The following CCDC146 variants were observed in gnomAD, a reference collection of about 807,000 sequenced individuals.
The protein encoded by CCDC146 is coiled-coil domain-containing protein 146.
Under a neutral mutation model 119.3 loss-of-function variants are expected in CCDC146, and 92 were observed. The ratio of observed to expected loss-of-function variants is 0.77; its 90% confidence interval spans 0.65 to 0.92. CCDC146 has a LOEUF of 0.92. CCDC146 is among the 40% of genes least tolerant of loss of function. CCDC146 has a pLI of 0.00. For missense variants in CCDC146, 1,000 were observed against 1,103.0 expected (o/e 0.91, Z 1.32); for synonymous variants, 372 against 371.8 (o/e 1.00, Z -0.01).
chr7:77,143,575 T>C (rs1045385453), intron 1 of CCDC146, among the ~76,000 whole-genome samples: 3 of 152,092 alleles, frequency 2.0e-5, no homozygotes, highest in African/African-American at 7.3e-5. Flanking sequence ...CTTTAATCAA[T>C]CTTGAATTAA....
intron 1 of CCDC146, among the ~76,000 whole-genome samples, chr7:77,134,980 T>G (rs960130228): frequency 6.6e-6 from 1 of 152,222 alleles, no homozygotes; most frequent in Non-Finnish European, 1.5e-5. Flanking sequence ...TATTGTTTGT[T>G]TTTGAACTGC....
rs1792146648 is a variant in CCDC146, at chr7:77,209,702, AT to A, written c.157-27242del. On this transcript the variant is annotated intron_variant, in intron 2 of 18. Coordinates refer to ENST00000285871, the MANE Select transcript of CCDC146 (RefSeq NM_020879.3). ...CAGACTTCTGCCTGGACATCCGGGC[AT>A]TTCCGTACATCCCTTGAAAGCTAGG... 3.9e-5 allele frequency among the ~76,000 whole-genome samples: 6 copies of A among 152,336 alleles called. No individual in the cohort carries two copies. The South Asian group carries it at 1.2e-3, about 32-fold the overall frequency.
chr7:77,218,651 C>A (rs1005880734), intron 2 of CCDC146, among the ~76,000 whole-genome samples: 3 of 151,204 alleles, frequency 2.0e-5, no homozygotes, highest in Admixed American at 2.0e-4. Flanking sequence ...ACTCTGTCAC[C>A]CAGGTGGCAC....
rs191310698 is a variant in CCDC146 at position 77,256,543 on chromosome 7, G to T, written c.684+34G>T. Reference sequence around the variant, plus strand: ...CTTACCGTTGATATTTAAACATTGTGCCTTGCATGGATATAAAAGTGTGTG... The same window carrying T: ...CTTACCGTTGATATTTAAACATTGTTCCTTGCATGGATATAAAAGTGTGTG... On this transcript the variant is annotated intron_variant, in intron 6 of 18. Transcript: ENST00000285871. The T allele has an allele frequency of 7.8e-6, 12 of 1,541,586 alleles. No individual in the cohort carries two copies. The East Asian group carries it at 1.4e-4, about 17-fold the overall frequency.
At chr7:77,177,820 T>C (rs1791522824) in intron 2 of CCDC146, among the ~76,000 whole-genome samples, 1 of 152,216 alleles carries the variant, frequency 6.6e-6, no homozygotes. Flanking sequence ...CAGGCACCCT[T>C]GCAAGAATAA....
intron 2 of CCDC146, among the ~76,000 whole-genome samples, chr7:77,205,383 T>C (rs536514009): frequency 6.6e-6 from 1 of 152,220 alleles, no homozygotes; most frequent in Non-Finnish European, 1.5e-5. Flanking sequence ...GCAGAACTCA[T>C]GGCCAGCAGA....
chr7:77,247,452 C>A (rs548979619), intron 4 of CCDC146, among the ~76,000 whole-genome samples: 1 of 152,270 alleles, frequency 6.6e-6, no homozygotes, highest in South Asian at 2.1e-4. Flanking sequence ...AAGTAAAATA[C>A]CACTAATGTA....
intron 2 of CCDC146, among the ~76,000 whole-genome samples, chr7:77,188,755 CA>C (rs1169057767): frequency 6.6e-6 from 1 of 152,130 alleles, no homozygotes; most frequent in East Asian, 1.9e-4. Context: ...AGTAACTCAA[CA>C]AAAATACCGT....
intron 2 of CCDC146, among the ~76,000 whole-genome samples, chr7:77,191,920 AAATAAT>A (rs1183797879): frequency 6.6e-6 from 1 of 151,882 alleles, no homozygotes; most frequent in African/African-American, 2.4e-5. Flanking sequence ...AAAAAATAAA[AAATAAT>A]AATAACTACT....
chr7:77,201,622 G>T (rs974989398), intron 2 of CCDC146, among the ~76,000 whole-genome samples: 1 of 151,146 alleles, frequency 6.6e-6, no homozygotes, highest in Non-Finnish European at 1.5e-5. Context: ...AAAATGCAGT[G>T]TATAAATGTA....
intron 1 of CCDC146, among the ~76,000 whole-genome samples, chr7:77,153,060 C>T (rs1791129393): frequency 6.6e-6 from 1 of 152,148 alleles, no homozygotes; most frequent in African/African-American, 2.4e-5. Context: ...CAAAGTAGTT[C>T]TTTCCATTAC....
intron 2 of CCDC146, among the ~76,000 whole-genome samples, chr7:77,184,810 AT>A (rs1791639262): frequency 6.6e-6 from 1 of 152,200 alleles, no homozygotes; most frequent in East Asian, 1.9e-4. Flanking sequence ...ACACTTGAAA[AT>A]ATATTAATTT....
intron 1 of CCDC146, among the ~76,000 whole-genome samples, chr7:77,151,682 A>C (rs552806218): frequency 2.0e-5 from 3 of 152,232 alleles, no homozygotes; most frequent in Admixed American, 6.5e-5. Flanking sequence ...TCCTGGACAT[A>C]AGACCTGCAT....
chr7:77,198,146 A>G, intron 2 of CCDC146: 2 of 985,452 alleles, frequency 2.0e-6, no homozygotes, highest in Non-Finnish European at 2.4e-6. Context: ...TTGGATTCGC[A>G]GTGTGCCAGG....
intron 1 of CCDC146, among the ~76,000 whole-genome samples, chr7:77,152,697 G>A (rs1791124180): frequency 1.3e-5 from 2 of 152,150 alleles, no homozygotes; most frequent in African/African-American, 4.8e-5. Context: ...GCCTAAAGGA[G>A]TGCTCTGGGA....
chr7:77,123,857 T>G (rs1458910260), intron 1 of CCDC146, among the ~76,000 whole-genome samples: 3 of 152,224 alleles, frequency 2.0e-5, no homozygotes, highest in African/African-American at 7.2e-5. Flanking sequence ...CTTCTTTCGG[T>G]GAAGACTCAC....
chr7:77,249,217 C>A (rs922808297), intron 4 of CCDC146, among the ~76,000 whole-genome samples: 1 of 152,076 alleles, frequency 6.6e-6, no homozygotes, highest in African/African-American at 2.4e-5. Context: ...ACTGGCCGGG[C>A]GCTGTGGCTG....
chr7:77,131,640 C>T (rs566296269), intron 1 of CCDC146, among the ~76,000 whole-genome samples: 1 of 152,318 alleles, frequency 6.6e-6, no homozygotes, highest in African/African-American at 2.4e-5. Flanking sequence ...ATCCCTTGAA[C>T]CTGGGAGGTA....
intron 9 of CCDC146, among the ~76,000 whole-genome samples, chr7:77,262,755 G>A (rs1008758743): frequency 1.3e-5 from 2 of 152,210 alleles, no homozygotes; most frequent in African/African-American, 2.4e-5. Context: ...GGGCAATCCA[G>A]AACCCAATAT....
Sources: allele counts gnomAD v4.1 joint callset (sites outside exome capture counted in the v4.1 genomes callset), GRCh38; gene constraint gnomAD v4.1.1; transcripts MANE v1.5; gene names NCBI Gene and HGNC (gene_info 2026-07-23, HGNC 2026-07-21).